The following SGIP1 variants were observed in gnomAD, a reference collection of about 807,000 sequenced individuals.
The protein encoded by SGIP1 is SH3-containing GRB2-like protein 3-interacting protein 1.
Under a neutral mutation model 107.5 loss-of-function variants are expected in SGIP1, and 38 were observed. The observed-to-expected ratio is 0.35, with a 90% CI of 0.27 to 0.46. The LOEUF (loss-of-function observed/expected upper bound fraction) is 0.46, where lower values mean the gene tolerates loss of function less well. Among genes scored for constraint, SGIP1 ranks in the 20% least tolerant of loss-of-function variants. The pLI is 1.00. For synonymous variants in SGIP1, 365 were observed against 366.1 expected (o/e 1.00, Z 0.03); for missense variants, 929 against 1,019.5 (o/e 0.91, Z 1.21).
intron 24 of SGIP1, among the ~76,000 whole-genome samples, chr1:66,742,312 C>G (rs1390938960): frequency 6.6e-6 from 1 of 151,910 alleles, no homozygotes; most frequent in African/African-American, 2.4e-5. Flanking sequence ...GAGGAACTCT[C>G]TAATACTAGA....
At chr1:66,630,831 GAA>G (rs1411549450) in intron 2 of SGIP1, among the ~76,000 whole-genome samples, 14 of 6,300 alleles carry the variant, frequency 2.2e-3, no homozygotes, top group South Asian at 0.026. Flanking sequence ...AAGAAAGAAA[GAA>G]AGAAAGAAAG....
intron 13 of SGIP1, 120 bp from the exon 14 acceptor site, chr1:66,679,558 T>A (rs1049931211): frequency 1.3e-5 from 13 of 1,023,238 alleles, no homozygotes; most frequent in Non-Finnish European, 1.9e-5. Flanking sequence ...GACCATTAAT[T>A]GCTATTCCAT....
intron 1 of SGIP1, among the ~76,000 whole-genome samples, chr1:66,571,868 T>C (rs894346965): frequency 1.3e-5 from 2 of 152,032 alleles, no homozygotes; most frequent in African/African-American, 2.4e-5. Context: ...CAGAATTTCC[T>C]TGCCCTTCTT....
At chr1:66,673,477 G>C in intron 12 of SGIP1, 111 bp downstream of exon 12, 1 of 1,017,038 alleles carries the variant, frequency 9.8e-7, no homozygotes, top group Non-Finnish European at 1.3e-6. Flanking sequence ...TATTATTTTC[G>C]TGGGAAAGAA....
chr1:66,585,331 G>C (rs1349895895), intron 1 of SGIP1, among the ~76,000 whole-genome samples: 1 of 152,142 alleles, frequency 6.6e-6, no homozygotes, highest in Non-Finnish European at 1.5e-5. Context: ...TTGATCCACT[G>C]TTTTTGTATC....
chr1:66,570,895 A>G (rs2060290932), intron 1 of SGIP1, among the ~76,000 whole-genome samples: 1 of 151,894 alleles, frequency 6.6e-6, no homozygotes, highest in African/African-American at 2.4e-5. Context: ...CATCTCCCCT[A>G]TAAGACTGTA....
chr1:66,581,843 A>G (rs1363991619), intron 1 of SGIP1, among the ~76,000 whole-genome samples: 1 of 152,092 alleles, frequency 6.6e-6, no homozygotes, highest in Admixed American at 6.6e-5. Context: ...CTTTCACCAA[A>G]TTTTACTTCA....
chr1:66,559,897 C>T lies in SGIP1; in HGVS notation c.10+25529C>T, dbSNP rs566954428. 2.6e-5 allele frequency among the ~76,000 whole-genome samples: 4 copies of T among 152,020 alleles called. No homozygotes were observed. In the South Asian group the frequency reaches 8.3e-4, roughly 32 times the overall value. On this transcript the variant is annotated intron_variant, in intron 1 of 24. Transcript: ENST00000371037. The stretch of plus-strand genomic sequence containing the variant: ...AGCCAGGGAGGAGGGGGTCAATGTC[C>T]CTTTAAACAAGTAAATATGCAGAGG...
At chr1:66,666,829 T>C (rs1398055337) in intron 8 of SGIP1, 1 of 152,262 alleles carries the variant, frequency 6.6e-6, no homozygotes, top group Non-Finnish European at 1.5e-5. Flanking sequence ...TTTTGTGTTT[T>C]CTAAGGTCAT....
At chr1:66,720,376 G>T (rs990050977) in intron 19 of SGIP1, among the ~76,000 whole-genome samples, 1 of 152,146 alleles carries the variant, frequency 6.6e-6, no homozygotes, top group Non-Finnish European at 1.5e-5. Flanking sequence ...GGAAAGAATT[G>T]CTTTTAATTT....
chr1:66,722,293 C>T (rs1398021352), intron 19 of SGIP1, among the ~76,000 whole-genome samples: 1 of 152,138 alleles, frequency 6.6e-6, no homozygotes, highest in Non-Finnish European at 1.5e-5. Context: ...TTTGTCCATC[C>T]TATATAAAAT....
Position 66,673,299 on chromosome 1 carries a change from C to T in SGIP1, c.579C>T (p.Asp193=). ...GATTTAGCAAAAAGCCTCCAGATGA[C>T]ACTACGGCCCTTGCTCCTCTCTTTG... is the stretch of plus-strand genomic sequence containing the variant. ...PELISKKPPD[D]TTALAPLFGP... Residue 193 remains aspartate (D), a synonymous_variant, in exon 12 of 25, where the codon GAC becomes GAT. Transcript: ENST00000371037. 1 of 1,614,002 alleles carries T rather than the reference C, an allele frequency of 6.2e-7. No homozygotes were observed.
intron 1 of SGIP1, among the ~76,000 whole-genome samples, chr1:66,615,591 T>C (rs2069084561): frequency 6.6e-6 from 1 of 152,248 alleles, no homozygotes; most frequent in African/African-American, 2.4e-5. Flanking sequence ...TCTGGTATTA[T>C]CCAGTATATT....
At chr1:66,579,275 A>G (rs1046696965) in intron 1 of SGIP1, among the ~76,000 whole-genome samples, 2 of 152,092 alleles carry the variant, frequency 1.3e-5, no homozygotes. Context: ...AGCCTCACCA[A>G]TCTCTCACTG....
At chr1:66,550,203 G>A (rs764418620) in intron 1 of SGIP1, among the ~76,000 whole-genome samples, 22 of 152,066 alleles carry the variant, frequency 1.4e-4, no homozygotes, top group Non-Finnish European at 3.2e-4. Context: ...CCACACCAAA[G>A]GCTGTGAAAT....
At chr1:66,563,455 A>C (rs1347362651) in intron 1 of SGIP1, among the ~76,000 whole-genome samples, 2 of 152,002 alleles carry the variant, frequency 1.3e-5, no homozygotes, top group Non-Finnish European at 2.9e-5. Flanking sequence ...CGATTCCACC[A>C]AGGTGAAGGG....
chr1:66,571,507 T>C (rs2060376547), intron 1 of SGIP1, among the ~76,000 whole-genome samples: 1 of 151,984 alleles, frequency 6.6e-6, no homozygotes, highest in South Asian at 2.1e-4. Flanking sequence ...TATCTAGAAA[T>C]GACGTGAGGT....
At chr1:66,644,748 G>A (rs539517644) in intron 7 of SGIP1, among the ~76,000 whole-genome samples, 1 of 152,234 alleles carries the variant, frequency 6.6e-6, no homozygotes, top group Non-Finnish European at 1.5e-5. Context: ...AGTGTTTAAT[G>A]CTTATAATGG....
chr1:66,538,952 G>A (rs11208901), intron 1 of SGIP1, among the ~76,000 whole-genome samples: 24,738 of 152,124 alleles, frequency 0.16, 2,181 homozygotes, highest in East Asian at 0.35. Context: ...ATTTTCAGAA[G>A]TTTTAGATAC....
Sources: gnomAD v4.1 joint callset for allele counts (sites outside exome capture counted in the v4.1 genomes callset) on GRCh38, gnomAD v4.1.1 for gene constraint, MANE v1.5 for transcripts, NCBI Gene and HGNC (gene_info 2026-07-23, HGNC 2026-07-21) for gene names.